Variants in PBRM1 observed in about 807,000 individuals in gnomAD.
The protein encoded by PBRM1 is polybromo 1, also known as protein polybromo-1.
PBRM1 carries 27 observed loss-of-function variants against 194.5 expected under a neutral mutation model. The observed-to-expected ratio is 0.14, with a 90% CI of 0.10 to 0.19. The LOEUF is 0.19. PBRM1 is among the 10% of genes least tolerant of loss of function. The pLI is 1.00. For missense variants in PBRM1, 1,466 were observed against 2,077.2 expected, an observed-to-expected ratio of 0.71 and a Z score of 5.72; for synonymous variants, 655 against 693.2, an observed-to-expected ratio of 0.94 and a Z score of 0.87.
At chr3:52,569,647 G>T (rs1277417674) in intron 22 of PBRM1, among the ~76,000 whole-genome samples, 1 of 152,152 alleles carries the variant, frequency 6.6e-6, no homozygotes, top group Non-Finnish European at 1.5e-5. Flanking sequence ...ACCTACCTAG[G>T]CATATGGTAC....
At chr3:52,592,088 G>A (rs563429765) in intron 17 of PBRM1, among the ~76,000 whole-genome samples, 3 of 148,296 alleles carry the variant, frequency 2.0e-5, no homozygotes, top group South Asian at 2.1e-4. Context: ...GCCTCCCAAG[G>A]TACTGGGATT....
chr3:52,645,470 T>C (rs531161208), intron 7 of PBRM1, among the ~76,000 whole-genome samples: 2 of 152,138 alleles, frequency 1.3e-5, no homozygotes, highest in East Asian at 1.9e-4. Flanking sequence ...GCTGGGAGAT[T>C]TGTTCTTACT....
At chr3:52,640,464 T>C (rs1181638273) in intron 10 of PBRM1, among the ~76,000 whole-genome samples, 1 of 151,974 alleles carries the variant, frequency 6.6e-6, no homozygotes, top group African/African-American at 2.4e-5. Context: ...AGAGACAGCG[T>C]TTTGCCATGT....
intron 2 of PBRM1, among the ~76,000 whole-genome samples, chr3:52,671,651 T>C (rs538056092): frequency 1.3e-5 from 2 of 152,372 alleles, no homozygotes; most frequent in South Asian, 4.1e-4. Context: ...GTGTCTAGAA[T>C]GTGGCAAACA....
At chr3:52,634,167 A>G (rs2095713364) in intron 11 of PBRM1, among the ~76,000 whole-genome samples, 1 of 152,174 alleles carries the variant, frequency 6.6e-6, no homozygotes, top group Non-Finnish European at 1.5e-5. Flanking sequence ...GGCTGGGTAC[A>G]GAGGCTCACA....
intron 17 of PBRM1, among the ~76,000 whole-genome samples, chr3:52,599,702 C>T (rs533630450): frequency 1.5e-4 from 23 of 150,782 alleles, no homozygotes; most frequent in African/African-American, 2.2e-4. Flanking sequence ...GTGATGGGCG[C>T]GCCTGTAATC....
chr3:52,569,952 A>G (rs2086517953), intron 22 of PBRM1, among the ~76,000 whole-genome samples: 1 of 152,078 alleles, frequency 6.6e-6, no homozygotes, highest in East Asian at 1.9e-4. Context: ...TGATAAGGAC[A>G]TCCCTATTTT....
chr3:52,548,174 C>A (rs2153310514), exon 30 of PBRM1: 1 of 1,610,874 alleles, frequency 6.2e-7, no homozygotes, highest in South Asian at 1.1e-5. Flanking sequence ...CTTTGCTTTT[C>A]AGCCAGTGAG....
chr3:52,577,906 T>C lies in PBRM1; in HGVS notation c.3533+1148A>G, dbSNP rs537032846. ...CTTGAAACAATCGATGGCACTCCAT[T>C]AACTCAGTAAAAACCCAAATCCCTA... On this transcript the variant is annotated intron_variant, in intron 21 of 29. Coordinates refer to ENST00000296302, the Ensembl canonical transcript of PBRM1. Among the ~76,000 whole-genome samples the C allele has an allele frequency of 3.3e-5, 5 of 152,258 alleles. No individual in the cohort carries two copies. In the East Asian group the frequency reaches 9.6e-4, roughly 29 times the overall value.
intron 12 of PBRM1, 124 bp downstream of exon 13, chr3:52,628,770 C>G (rs532713639): frequency 2.3e-6 from 2 of 886,124 alleles, no homozygotes; most frequent in East Asian, 5.1e-5. Flanking sequence ...CCGCACCCAG[C>G]CAAATGATGT....
rs1248424940 is a variant in PBRM1, at chr3:52,624,925, C to T, written c.1541+2348G>A. 1.9e-6 allele frequency: 3 copies of T among 1,548,334 alleles called. No individual in the cohort carries two copies. In the Admixed American group the frequency reaches 5.9e-5, roughly 30 times the overall value. On this transcript the variant is annotated intron_variant, in intron 13 of 29. Transcript: ENST00000296302. ...GATAGCCTCCTGAGACCCAACATCT[C>T]ACTGTCATGAGTGTTCCTGGGAAAG... is the stretch of plus-strand genomic sequence containing the variant.
At chr3:52,664,924 T>C (rs2096800803) in intron 3 of PBRM1, among the ~76,000 whole-genome samples, 2 of 152,088 alleles carry the variant, frequency 1.3e-5, no homozygotes, top group Non-Finnish European at 2.9e-5. Flanking sequence ...ATCTAAGATT[T>C]ATGAAGCATT....
At chr3:52,576,799 T>C in intron 21 of PBRM1, 101 bp from the exon 24 acceptor site, 2 of 743,426 alleles carry the variant, frequency 2.7e-6, no homozygotes, top group Non-Finnish European at 4.2e-6. Flanking sequence ...ATGTGTACCA[T>C]TCAGAGGAGT....
rs761719532 is a variant in PBRM1 at position 52,548,089 on chromosome 3, G to A, written c.5044C>T (p.Gln1682Ter). The A allele has an allele frequency of 3.1e-6, 5 of 1,610,310 alleles. No individual in the cohort carries two copies. The highest frequency in any genetic ancestry group is 4.2e-6 in the Non-Finnish European group (5 of 1,178,638). The stretch of plus-strand genomic sequence containing the variant: ...TAAACATTTTCTAGGTTGTATGCTT[G>A]GCGAATGTTGAGGGTGTCCCGGAGC... Residue 1682 changes from glutamine to a stop codon, truncating the protein, a stop_gained, in exon 30 of 30, where the codon CAA becomes TAA. Coordinates refer to ENST00000296302, the Ensembl canonical transcript of PBRM1. LOFTEE classifies it high-confidence loss of function.
chr3:52,609,122 T>C lies in PBRM1; in HGVS notation c.2567+191A>G. 1.8e-6 allele frequency: 1 copy of C among 549,634 alleles called. No homozygotes were observed. The allele number at this position is 549,634 out of a possible 1,614,324, so 34.0% of individuals were successfully genotyped here. A position where few individuals can be genotyped will look rare whatever the true frequency, so the allele number is the denominator to read the frequency against. On this transcript the variant is annotated intron_variant, in intron 16 of 29. Coordinates refer to ENST00000296302, the Ensembl canonical transcript of PBRM1. This position sits in a 1 kb window ranked among gnomAD's most constrained non-coding sequence, Gnocchi z 4.1. Reference sequence around the variant, plus strand: ...ACTGGCCTTAAACTAGATGACTTAGTGGTGTGCCTTCTCTCCCCCACAGAA... The same window carrying C: ...ACTGGCCTTAAACTAGATGACTTAGCGGTGTGCCTTCTCTCCCCCACAGAA...
At chr3:52,641,066 G>C (rs895807734) in intron 10 of PBRM1, among the ~76,000 whole-genome samples, 6 of 152,048 alleles carry the variant, frequency 3.9e-5, no homozygotes, top group African/African-American at 1.5e-4. Context: ...TTTCAAAAAA[G>C]TAAATTTATA....
At chr3:52,600,753 C>T (rs2093932582) in intron 17 of PBRM1, among the ~76,000 whole-genome samples, 1 of 152,180 alleles carries the variant, frequency 6.6e-6, no homozygotes, top group South Asian at 2.1e-4. Flanking sequence ...ATTCTTCTGC[C>T]TCAGCCTTCC....
chr3:52,631,642 C>A (rs950585556), intron 11 of PBRM1, among the ~76,000 whole-genome samples: 1 of 152,154 alleles, frequency 6.6e-6, no homozygotes, highest in Non-Finnish European at 1.5e-5. Context: ...GATACTCCCA[C>A]GTCAGCCTCC....
At chr3:52,596,862 A>G (rs1412021986) in intron 17 of PBRM1, among the ~76,000 whole-genome samples, 2 of 152,028 alleles carry the variant, frequency 1.3e-5, no homozygotes, top group Non-Finnish European at 2.9e-5. Context: ...TGTGCCCCCT[A>G]AGTCCACTGG....
Sources: gnomAD v4.1 joint callset for allele counts (sites outside exome capture counted in the v4.1 genomes callset) on GRCh38, gnomAD v4.1.1 for gene constraint, Gnocchi (gnomAD v3.1) non-coding constraint, MANE v1.5 for transcripts, NCBI Gene and HGNC (gene_info 2026-07-23, HGNC 2026-07-21) for gene names.